SEH1L: variants seen among roughly 807,000 people sequenced by gnomAD.
SEH1L encodes the protein nucleoporin SEH1.
In SEH1L, 18 loss-of-function variants were observed where a neutral mutation model predicts 49.5. The ratio of observed to expected loss-of-function variants is 0.36; its 90% confidence interval spans 0.25 to 0.54. The LOEUF (loss-of-function observed/expected upper bound fraction) is 0.54. Among genes scored for constraint, SEH1L ranks in the 20% least tolerant of loss-of-function variants. SEH1L has a pLI of 0.87. For missense variants in SEH1L, 404 were observed against 528.8 expected (o/e 0.76, Z 2.31); for synonymous variants, 169 against 178.1 (o/e 0.95, Z 0.41).
intron 7 of SEH1L, 98 bp from the exon 8 acceptor site, chr18:12,983,942 C>G (rs2032368758): frequency 2.4e-6 from 2 of 820,726 alleles, no homozygotes; most frequent in Admixed American, 2.6e-5. Context: ...TAGCCTCTGT[C>G]TCGTTTCTTT....
intron 2 of SEH1L, among the ~76,000 whole-genome samples, chr18:12,953,987 A>C (rs1391272078): frequency 6.6e-6 from 1 of 152,224 alleles, no homozygotes; most frequent in Non-Finnish European, 1.5e-5. Context: ...AAATCTAATA[A>C]AACTTATCTG....
chr18:12,986,931 T>A lies in SEH1L; in HGVS notation c.1140T>A (p.Pro380=). 6.2e-7 allele frequency: 1 copy of A among 1,609,150 alleles called. No homozygotes were observed. Among genetic ancestry groups the A allele is most frequent in the African/African-American group, 1.3e-5 (1 of 74,784 alleles). The change falls in exon 9 of 9, where the codon CCT becomes CCA. Residue 380 remains proline (P), a synonymous_variant. Transcript: ENST00000399892. ...GGTCCAGTTATGCCCAGCTCCTTCC[T>A]CCTCCTCCTCCTCCTCTGGTAGAGC... ...SRWSSYAQLL[P]PPPPPLVEHS... is the part of the protein sequence containing the mutation.
chr18:12,951,803 A>T, intron 1 of SEH1L, 52 bp from the exon 2 acceptor site: 1 of 1,101,950 alleles, frequency 9.1e-7, no homozygotes, highest in South Asian at 1.3e-5. Flanking sequence ...TAGTTTTTGT[A>T]TCAATTTGTA....
At chr18:12,958,453 C>A (rs996739761) in intron 3 of SEH1L, among the ~76,000 whole-genome samples, 1 of 152,258 alleles carries the variant, frequency 6.6e-6, no homozygotes, top group East Asian at 1.9e-4. Flanking sequence ...GTGTACCCAT[C>A]ACTGTTATCT....
intron 8 of SEH1L, 133 bp from the exon 9 acceptor site, chr18:12,986,727 CTT>C (rs34381701): frequency 6.2e-3 from 6,087 of 980,428 alleles, no homozygotes; most frequent in East Asian, 0.027. Flanking sequence ...TATACTAAAG[CTT>C]TTTTTTTTTT....
chr18:12,960,874 A>C (rs540257006), intron 3 of SEH1L, among the ~76,000 whole-genome samples: 5 of 152,304 alleles, frequency 3.3e-5, no homozygotes, highest in African/African-American at 1.2e-4. Context: ...AATTCCACCT[A>C]GGGGCATAAG....
chr18:12,961,334 G>T (rs750906891), intron 3 of SEH1L, among the ~76,000 whole-genome samples: 16 of 152,136 alleles, frequency 1.1e-4, no homozygotes, highest in Admixed American at 2.0e-4. Context: ...GTTTCTATCT[G>T]TTGGGAGACT....
At chr18:12,949,826 C>A (rs1204997521) in intron 1 of SEH1L, among the ~76,000 whole-genome samples, 1 of 152,046 alleles carries the variant, frequency 6.6e-6, no homozygotes. Flanking sequence ...AGCGTCGCCC[C>A]TGCCCATCTC....
In SEH1L at chr18:12,981,849, C is replaced by CTTTTTTTTTTTTTT. The variant is rs1467685892; in HGVS notation, c.762-669_762-668insTTTTTTTTTTTTTT. Among the ~76,000 whole-genome samples, 8 of 102,500 alleles carry CTTTTTTTTTTTTTT rather than the reference C, an allele frequency of 7.8e-5. 2 individuals carry two copies. Among genetic ancestry groups the CTTTTTTTTTTTTTT allele is most frequent in the African/African-American group, 1.8e-4 (4 of 21,660 alleles). The allele number at this position is 102,500 out of a possible 152,430, so 67.2% of individuals were successfully genotyped here. On this transcript the variant is annotated intron_variant, in intron 6 of 8. Transcript: ENST00000399892. ...ATTCTTTCCTACTTGCTGCCCTGCC[C>CTTTTTTTTTTTTTT]ATTTTTTTTTTTTTTTTTTTTTTTT...
At chr18:12,976,233 A>G (rs557217921) in intron 5 of SEH1L, 12 of 152,348 alleles carry the variant, frequency 7.9e-5, no homozygotes, top group African/African-American at 2.9e-4. Flanking sequence ...TCCTCACAGC[A>G]TGGCAGCTGC....
intron 4 of SEH1L, among the ~76,000 whole-genome samples, chr18:12,964,726 C>A (rs945576567): frequency 3.3e-5 from 5 of 149,984 alleles, no homozygotes; most frequent in African/African-American, 1.2e-4. Context: ...AGCTCCGCCT[C>A]CTGGGTTCAA....
At chr18:12,979,902 G>T (rs2032108596) in intron 6 of SEH1L, among the ~76,000 whole-genome samples, 1 of 140,106 alleles carries the variant, frequency 7.1e-6, no homozygotes, top group East Asian at 2.3e-4. Context: ...TCGCGGACGG[G>T]GCGGCTGGCC....
chr18:12,961,128 G>T (rs959066941), intron 3 of SEH1L, among the ~76,000 whole-genome samples: 1 of 152,142 alleles, frequency 6.6e-6, no homozygotes, highest in Non-Finnish European at 1.5e-5. Flanking sequence ...ACTAGTGCCT[G>T]GGAGGGGCTG....
At position 12,949,747 on chromosome 18, in the gene SEH1L, C is replaced by T. The variant is rs569543645; in HGVS notation, c.111+1515C>T. Among the ~76,000 whole-genome samples the T allele has an allele frequency of 3.8e-4, 58 of 152,240 alleles. No homozygotes were observed. The South Asian group carries it at 5.0e-3, about 13-fold the overall frequency. ...GGATTACGGGCGTGAGCCACCGCGC[C>T]CGGCCCACGTTAACCGTTTTAAAGT... On this transcript the variant is annotated intron_variant, in intron 1 of 8. Coordinates refer to ENST00000399892, the MANE Select transcript of SEH1L (RefSeq NM_001013437.2).
chr18:12,969,211 GCCCCCC>G lies in SEH1L; in HGVS notation c.522-1930_522-1925del, dbSNP rs112516463. Among the ~76,000 whole-genome samples the G allele has an allele frequency of 4.4e-4, 24 of 55,108 alleles. 5 individuals are homozygous for G. The highest frequency in any genetic ancestry group is 3.6e-3 in the African/African-American group (21 of 5,882). The allele number at this position is 55,108 out of a possible 152,430, so 36.2% of individuals were successfully genotyped here. A position where few individuals can be genotyped will look rare whatever the true frequency, so the allele number is the denominator to read the frequency against. On this transcript the variant is annotated intron_variant, in intron 4 of 8. Coordinates refer to ENST00000399892, the MANE Select transcript of SEH1L (RefSeq NM_001013437.2). ...GCATCAAGAGCAAAACTCTGTACCC[GCCCCCC>G]CCCCCCCCCCCACCTCACCAAAAAG...
chr18:12,979,012 C>T, intron 6 of SEH1L, 120 bp downstream of exon 6: 3 of 931,588 alleles, frequency 3.2e-6, no homozygotes, highest in South Asian at 1.8e-5. Context: ...GGAAGTTTTA[C>T]TTAAAAATGT....
Position 12,985,420 on chromosome 18 carries a change from G to A in SEH1L, c.1070+1230G>A, listed in dbSNP as rs145852229. On this transcript the variant is annotated intron_variant, in intron 8 of 8. Transcript: ENST00000399892. ...TCCAAAAGGCCTTTAAAAATACAGTGTATATTTTTTGTACTAGTCAGTTTA... is the reference window on the plus strand; with the variant it reads ...TCCAAAAGGCCTTTAAAAATACAGTATATATTTTTTGTACTAGTCAGTTTA... 23 of 1,337,082 alleles carry A rather than the reference G, an allele frequency of 1.7e-5. No homozygotes were observed. In the East Asian group the frequency reaches 5.9e-4, roughly 34 times the overall value. The allele number at this position is 1,337,082 out of a possible 1,614,324, so 82.8% of individuals were successfully genotyped here. A position where few individuals can be genotyped will look rare whatever the true frequency, so the allele number is the denominator to read the frequency against.
Position 12,963,211 on chromosome 18 carries a change from T to C in SEH1L, c.361T>C (p.Phe121Leu). 6.2e-7 allele frequency: 1 copy of C among 1,614,126 alleles called. No individual in the cohort carries two copies. The highest frequency in any genetic ancestry group is 1.1e-5 in the South Asian group (1 of 91,086). ...DSRTSVTDVKFAPKHMGLMLA... is the reference protein window; with the variant it reads ...DSRTSVTDVKLAPKHMGLMLA... ...CAGAACATCTGTTACTGATGTGAAG[T>C]TTGCTCCCAAGCACATGGGTCTTAT... The change falls in exon 4 of 9, where the codon TTT becomes CTT. Residue 121 changes from phenylalanine to leucine, a missense_variant. Phe to Leu is a conservative substitution (Grantham distance 22). Coordinates refer to ENST00000399892, the MANE Select transcript of SEH1L (RefSeq NM_001013437.2).
At position 12,948,403 on chromosome 18, in the gene SEH1L, G is replaced by A. The variant is rs1450655321; in HGVS notation, c.111+171G>A. 7.9e-6 allele frequency: 4 copies of A among 508,154 alleles called. No homozygotes were observed. The African/African-American group carries it at 8.2e-5, about 10-fold the overall frequency. 31.5% of individuals were successfully genotyped at this position (508,154 alleles called of 1,614,324 possible). A position where few individuals can be genotyped will look rare whatever the true frequency, so the allele number is the denominator to read the frequency against. ...AAGCCCTCCCCGCCCGCGTATTGTG[G>A]GGTCACGGCGGCCTCGCGGGCCGCC... On this transcript the variant is annotated intron_variant, in intron 1 of 8. Transcript: ENST00000399892.
Sources: allele counts gnomAD v4.1 joint callset (sites outside exome capture counted in the v4.1 genomes callset), GRCh38; gene constraint gnomAD v4.1.1; transcripts MANE v1.5; gene names NCBI Gene and HGNC (gene_info 2026-07-23, HGNC 2026-07-21).